Variants in RAVER2 observed in about 807,000 individuals in gnomAD.
RAVER2 encodes ribonucleoprotein PTB-binding 2.
In RAVER2, 46 loss-of-function variants were observed where a neutral mutation model predicts 78.1. The observed-to-expected ratio is 0.59, with a 90% confidence interval of 0.46 to 0.75. The LOEUF (loss-of-function observed/expected upper bound fraction) is 0.75, where lower values mean the gene tolerates loss of function less well. RAVER2 is among the 30% of genes least tolerant of loss of function. RAVER2 has a pLI of 0.00. For synonymous variants in RAVER2, 311 were observed against 313.3 expected (o/e 0.99, Z 0.08); for missense variants, 793 against 837.5 (o/e 0.95, Z 0.66).
intron 2 of RAVER2, among the ~76,000 whole-genome samples, chr1:64,769,307 T>C (rs1306364965): frequency 6.6e-6 from 1 of 151,876 alleles, no homozygotes; most frequent in African/African-American, 2.4e-5. Flanking sequence ...GTTGAATTTC[T>C]TCAGATTCAA....
At chr1:64,793,971 G>A (rs1653020196) in intron 5 of RAVER2, among the ~76,000 whole-genome samples, 1 of 152,274 alleles carries the variant, frequency 6.6e-6, no homozygotes, top group Admixed American at 6.5e-5. Flanking sequence ...ATTATTTCCA[G>A]TTCGAGGTCA....
At position 64,830,824 on chromosome 1, in the gene RAVER2, TTTA is replaced by T; in HGVS notation, c.1930-12_1930-10del. ...TTTAGATTTTAAAACTAGCTGCAAT[TTTA>T]TTTTCTCATAGGTGTCATCTTTAAG... is the stretch of plus-strand genomic sequence containing the variant. On this transcript the variant is annotated splice_polypyrimidine_tract_variant and intron_variant, in intron 11 of 11. Transcript: ENST00000294428. The T allele has an allele frequency of 6.4e-7, 1 of 1,566,870 alleles. No individual in the cohort carries two copies.
chr1:64,811,505 A>T (rs1653605253), intron 9 of RAVER2, among the ~76,000 whole-genome samples: 1 of 152,180 alleles, frequency 6.6e-6, no homozygotes, highest in Non-Finnish European at 1.5e-5. Flanking sequence ...GAATTGCTTG[A>T]TGTGTACCAC....
chr1:64,760,177 A>C, intron 1 of RAVER2, among the ~76,000 whole-genome samples: 1 of 151,910 alleles, frequency 6.6e-6, no homozygotes, highest in East Asian at 1.9e-4. Flanking sequence ...GGCTGGAGTC[A>C]CATGGCCACA....
At chr1:64,813,906 T>A (rs895433914) in intron 10 of RAVER2, among the ~76,000 whole-genome samples, 14 of 152,030 alleles carry the variant, frequency 9.2e-5, no homozygotes, top group East Asian at 1.9e-4. Flanking sequence ...TTATTTATTT[T>A]TTTATTATAC....
chr1:64,793,819 T>C (rs1047240954), intron 5 of RAVER2, among the ~76,000 whole-genome samples: 14 of 152,230 alleles, frequency 9.2e-5, no homozygotes, highest in African/African-American at 1.4e-4. Flanking sequence ...CAGTCTGTAC[T>C]GTTTGGCTTC....
chr1:64,773,326 A>G (rs939467578), intron 2 of RAVER2, among the ~76,000 whole-genome samples: 1 of 151,872 alleles, frequency 6.6e-6, no homozygotes, highest in African/African-American at 2.4e-5. Flanking sequence ...TCCTAATGCT[A>G]TCCCTCCCCC....
At chr1:64,792,256 T>C (rs575783611) in intron 5 of RAVER2, among the ~76,000 whole-genome samples, 1 of 152,336 alleles carries the variant, frequency 6.6e-6, no homozygotes, top group African/African-American at 2.4e-5. Flanking sequence ...CTCTTGTGGA[T>C]ATAGTCTAGG....
chr1:64,779,988 T>C (rs1652584686), intron 3 of RAVER2, among the ~76,000 whole-genome samples: 1 of 152,094 alleles, frequency 6.6e-6, no homozygotes, highest in Non-Finnish European at 1.5e-5. Context: ...AAACTACTGA[T>C]GCCGTGGACT....
chr1:64,778,186 T>A, intron 3 of RAVER2, 94 bp downstream of exon 3: 1 of 947,294 alleles, frequency 1.1e-6, no homozygotes, highest in Non-Finnish European at 1.5e-6. Context: ...CCTGTGTGAT[T>A]AACACAATGG....
chr1:64,763,773 G>C (rs570448733), intron 1 of RAVER2, among the ~76,000 whole-genome samples: 1 of 151,952 alleles, frequency 6.6e-6, no homozygotes, highest in East Asian at 1.9e-4. Context: ...CATGGTGATG[G>C]GCACCTGTAA....
At chr1:64,752,663 A>G (rs1180628356) in intron 1 of RAVER2, among the ~76,000 whole-genome samples, 2 of 152,170 alleles carry the variant, frequency 1.3e-5, no homozygotes, top group Non-Finnish European at 1.5e-5. Context: ...TAGGGGTGAC[A>G]TAAACCAAAG....
At chr1:64,819,328 G>A (rs1420027242) in intron 11 of RAVER2, among the ~76,000 whole-genome samples, 1 of 151,876 alleles carries the variant, frequency 6.6e-6, no homozygotes, top group Admixed American at 6.6e-5. Flanking sequence ...TTTTGGAACT[G>A]AAAACTATAG....
intron 1 of RAVER2, among the ~76,000 whole-genome samples, chr1:64,755,673 C>G (rs558839527): frequency 7.0e-6 from 1 of 142,798 alleles, no homozygotes; most frequent in East Asian, 2.1e-4. Context: ...AGTTTAACTA[C>G]TTGCTTTCGA....
At chr1:64,810,273 A>G (rs1427991707) in intron 9 of RAVER2, among the ~76,000 whole-genome samples, 3 of 152,318 alleles carry the variant, frequency 2.0e-5, no homozygotes, top group South Asian at 4.1e-4. Flanking sequence ...CAAAAATACC[A>G]TAGACTGGGT....
At chr1:64,759,345 G>C (rs1029703682) in intron 1 of RAVER2, among the ~76,000 whole-genome samples, 2 of 150,866 alleles carry the variant, frequency 1.3e-5, no homozygotes, top group African/African-American at 4.9e-5. Flanking sequence ...TCAGCCTCTG[G>C]AGTAGCTGGA....
chr1:64,789,597 C>A, intron 5 of RAVER2, 83 bp downstream of exon 5: 1 of 1,149,486 alleles, frequency 8.7e-7, no homozygotes, highest in Non-Finnish European at 1.1e-6. Context: ...TGGAAAAATA[C>A]ATTGATTTGT....
chr1:64,821,354 G>C (rs1223226418), intron 11 of RAVER2, among the ~76,000 whole-genome samples: 2 of 152,082 alleles, frequency 1.3e-5, no homozygotes, highest in African/African-American at 4.8e-5. Flanking sequence ...TAGATTGTCT[G>C]TTTACTCTGT....
At chr1:64,760,615 A>G (rs1220204268) in intron 1 of RAVER2, among the ~76,000 whole-genome samples, 4 of 152,190 alleles carry the variant, frequency 2.6e-5, no homozygotes, top group Non-Finnish European at 5.9e-5. Context: ...TAGCATTACT[A>G]GATGATTGAA....
Sources: gnomAD v4.1 joint callset for allele counts (sites outside exome capture counted in the v4.1 genomes callset) on GRCh38, gnomAD v4.1.1 for gene constraint, MANE v1.5 for transcripts, NCBI Gene and HGNC (gene_info 2026-07-23, HGNC 2026-07-21) for gene names.